DIS3: variants seen among roughly 807,000 people sequenced by gnomAD.
The protein encoded by DIS3 is exosome complex exonuclease RRP44.
A neutral mutation model predicts 113.0 loss-of-function variants in DIS3; 103 were observed. That is an observed-to-expected ratio of 0.91 (90% CI 0.78 to 1.07). DIS3 has a LOEUF of 1.07. Ranked by LOEUF, DIS3 falls within the 50% of genes least tolerant of loss-of-function variation. The pLI, the probability that DIS3 is intolerant of heterozygous loss-of-function variation, is 0.00. For missense variants in DIS3, 1,121 were observed against 1,167.1 expected (o/e 0.96, Z 0.58); for synonymous variants, 402 against 394.3 (o/e 1.02, Z -0.23).
chr13:72,754,039 T>C lies in DIS3; in HGVS notation c.*5756A>G, dbSNP rs527588785. On this transcript the variant is annotated 3_prime_UTR_variant, in exon 21 of 21. Coordinates refer to ENST00000377767, the MANE Select transcript of DIS3 (RefSeq NM_014953.5). The stretch of plus-strand genomic sequence containing the variant: ...AAAGTGTGCAAAGGTAGCGTGTATT[T>C]GATGAGGGCATTTACTGAACCTTCC... 44 of 443,784 alleles carry C rather than the reference T, an allele frequency of 9.9e-5. 1 individual carries two copies. In the South Asian group the frequency reaches 1.6e-3, roughly 16 times the overall value. 27.5% of individuals were successfully genotyped at this position (443,784 alleles called of 1,614,324 possible).
At position 72,758,017 on chromosome 13, in the gene DIS3, GACTCACCCAGA is replaced by G. The variant is rs1221499628; in HGVS notation, c.*1767_*1777del. 1 of 195,000 alleles carries G rather than the reference GACTCACCCAGA, an allele frequency of 5.1e-6. No homozygotes were observed. The highest frequency in any genetic ancestry group is 2.3e-5 in the African/African-American group (1 of 43,110). The allele number at this position is 195,000 out of a possible 1,614,324, so 12.1% of individuals were successfully genotyped here. ...CCTTCACATTCACTAACCACTTACTGACTCACCCAGAGCCAGCTTCCAGTCCTGCCAACTTG... is the reference window on the plus strand; with the variant it reads ...CCTTCACATTCACTAACCACTTACTGGCCAGCTTCCAGTCCTGCCAACTTG... On this transcript the variant is annotated 3_prime_UTR_variant, in exon 21 of 21. Coordinates refer to ENST00000377767, the MANE Select transcript of DIS3 (RefSeq NM_014953.5).
At chr13:72,770,563 T>C (rs1441471881) in intron 13 of DIS3, among the ~76,000 whole-genome samples, 3 of 152,182 alleles carry the variant, frequency 2.0e-5, no homozygotes, top group Non-Finnish European at 2.9e-5. Flanking sequence ...AATAAGACTC[T>C]GGTGGCCTGT....
intron 19 of DIS3, among the ~76,000 whole-genome samples, chr13:72,760,924 T>C (rs2033607530): frequency 6.6e-6 from 1 of 152,130 alleles, no homozygotes; most frequent in African/African-American, 2.4e-5. Flanking sequence ...ATAGGAAATT[T>C]TTAGTCTAGT....
rs1202614048 is a variant in DIS3, at chr13:72,763,549, T to C, written c.2029A>G (p.Lys677Glu). Residue 677 changes from lysine to glutamate, a missense_variant, in exon 16 of 21, where the codon AAA becomes GAA. Physicochemically the swap from Lys to Glu is moderately conservative, Grantham distance 56. Around this residue, in one of 3 missense-constraint regions of DIS3, gnomAD observed 861 missense variants for 915.5 expected, o/e 0.94. Transcript: ENST00000377767. ...TGTTCAGAAAATTCCTCATGAATTT[T>C]TTTTGCAACAGAAATATTGGCAAGT... ...MLLANISVAK[K>E]IHEEFSEHAL... 1 of 1,613,876 alleles carries C rather than the reference T, an allele frequency of 6.2e-7. No homozygotes were observed. The highest frequency in any genetic ancestry group is 8.5e-7 in the Non-Finnish European group (1 of 1,179,970).
chr13:72,773,672 C>A lies in DIS3; in HGVS notation c.1239+12G>T, dbSNP rs753389154. On this transcript the variant is annotated intron_variant, in intron 8 of 20. Coordinates refer to ENST00000377767, the MANE Select transcript of DIS3 (RefSeq NM_014953.5). ...TAAACATCCCCACATAAAATTAATA[C>A]TTTAAGCTTACATTTGGATATCTGG... is the stretch of plus-strand genomic sequence containing the variant. 6.2e-7 allele frequency: 1 copy of A among 1,603,630 alleles called. No individual in the cohort carries two copies. The highest frequency in any genetic ancestry group is 1.7e-5 in the Admixed American group (1 of 57,188).
intron 17 of DIS3, 29 bp downstream of exon 17, chr13:72,761,894 T>C: frequency 1.2e-6 from 2 of 1,612,604 alleles, no homozygotes; most frequent in Non-Finnish European, 1.7e-6. Flanking sequence ...CCATTTTCTA[T>C]CTCCTTTAAT....
At chr13:72,772,073 T>A in intron 10 of DIS3, 86 bp downstream of exon 10, 1 of 1,313,020 alleles carries the variant, frequency 7.6e-7, no homozygotes, top group Non-Finnish European at 1.1e-6. Context: ...CAAGAGTAAT[T>A]AACAAGCAAA....
At chr13:72,763,119 G>GA (rs1231213278) in intron 16 of DIS3, among the ~76,000 whole-genome samples, 1 of 152,016 alleles carries the variant, frequency 6.6e-6, no homozygotes, top group African/African-American at 2.4e-5. Context: ...GCAACATAGT[G>GA]AAAATCTACC....
Position 72,773,818 on chromosome 13 carries a change from T to G in DIS3, c.1105A>C (p.Arg369=). ...MLSKSDIKES[R]RHLFTPADKR... ...TCAGCAGGTGTAAAGAGATGTCTTC[T>G]TGACTAGCAAAAATTAGGAATAAAG... Residue 369 remains arginine (R), a synonymous_variant, in exon 8 of 21, where the codon AGA becomes CGA. Transcript: ENST00000377767. 1 of 1,604,382 alleles carries G rather than the reference T, an allele frequency of 6.2e-7. No individual in the cohort carries two copies. Among genetic ancestry groups the G allele is most frequent in the Non-Finnish European group, 8.5e-7 (1 of 1,177,784 alleles).
chr13:72,770,834 A>AC (rs2033868251), intron 13 of DIS3, 70 bp downstream of exon 13: 5 of 1,110,208 alleles, frequency 4.5e-6, no homozygotes, highest in Non-Finnish European at 6.3e-6. Context: ...TCTTTAAAAA[A>AC]TTTATTTAGC....
rs1293595152 is a variant in DIS3, at chr13:72,752,355, C to T, written c.*7440G>A. 6.6e-6 allele frequency: 1 copy of T among 152,186 alleles called. No individual in the cohort carries two copies. Among genetic ancestry groups the T allele is most frequent in the East Asian group, 1.9e-4 (1 of 5,200 alleles). The allele number at this position is 152,186 out of a possible 1,614,324, so 9.4% of individuals were successfully genotyped here. On this transcript the variant is annotated 3_prime_UTR_variant, in exon 21 of 21. Transcript: ENST00000377767. Reference sequence around the variant, plus strand: ...TGTTGCCTGGTTGGTACATATTAGGCATTGACATTAGCAGAAGTCTAGATG... The same window carrying T: ...TGTTGCCTGGTTGGTACATATTAGGTATTGACATTAGCAGAAGTCTAGATG...
Position 72,757,803 on chromosome 13 carries a change from T to C in DIS3, c.*1992A>G, listed in dbSNP as rs911037391. 1.4e-5 allele frequency: 3 copies of C among 207,720 alleles called. No homozygotes were observed. The highest frequency in any genetic ancestry group is 4.6e-5 in the African/African-American group (2 of 43,830). 12.9% of individuals were successfully genotyped at this position (207,720 alleles called of 1,614,324 possible). Reference sequence around the variant, plus strand: ...GTTTTGTGACACATCAAAATTATAATGATGTGCTGCATAACTTTTGGTCAA... The same window carrying C: ...GTTTTGTGACACATCAAAATTATAACGATGTGCTGCATAACTTTTGGTCAA... On this transcript the variant is annotated 3_prime_UTR_variant, in exon 21 of 21. Coordinates refer to ENST00000377767, the MANE Select transcript of DIS3 (RefSeq NM_014953.5).
intron 4 of DIS3, 36 bp downstream of exon 4, chr13:72,777,384 A>G (rs2034040611): frequency 1.3e-6 from 2 of 1,599,426 alleles, no homozygotes; most frequent in African/African-American, 2.7e-5. Flanking sequence ...GGCTATTTTA[A>G]TATTTTTACT....
Position 72,753,917 on chromosome 13 carries a change from GA to G in DIS3, c.*5877del. 1.6e-6 allele frequency: 2 copies of G among 1,241,382 alleles called. No homozygotes were observed. Among genetic ancestry groups the G allele is most frequent in the Non-Finnish European group, 2.2e-6 (2 of 906,202 alleles). 76.9% of individuals were successfully genotyped at this position (1,241,382 alleles called of 1,614,324 possible). A position where few individuals can be genotyped will look rare whatever the true frequency, so the allele number is the denominator to read the frequency against. ...CAATAGTACTATTGAGAAACTATAT[GA>G]AATTTAAAACACTAAAAGGTAAGCC... On this transcript the variant is annotated 3_prime_UTR_variant, in exon 21 of 21. Transcript: ENST00000377767.
At chr13:72,775,415 T>C in intron 5 of DIS3, 40 bp from the exon 6 acceptor site, 1 of 1,548,624 alleles carries the variant, frequency 6.5e-7, no homozygotes, top group Non-Finnish European at 8.7e-7. Context: ...AAATTATTTT[T>C]AATGGCAATA....
chr13:72,775,076 G>A, intron 6 of DIS3, 135 bp downstream of exon 6: 1 of 954,518 alleles, frequency 1.0e-6, no homozygotes, highest in East Asian at 2.8e-5. Context: ...AAAACCATGT[G>A]TATGACATGC....
rs1417974911 is a variant in DIS3 at position 72,758,089 on chromosome 13, A to G, written c.*1706T>C. 5 of 182,916 alleles carry G rather than the reference A, an allele frequency of 2.7e-5. No individual in the cohort carries two copies. Among genetic ancestry groups the G allele is most frequent in the Non-Finnish European group, 5.8e-5 (5 of 86,054 alleles). The allele number at this position is 182,916 out of a possible 1,614,324, so 11.3% of individuals were successfully genotyped here. ...ATGTCCTAAATAGGTGTACCATTTT[A>G]TATCTTATATATATCTATATATATA... On this transcript the variant is annotated 3_prime_UTR_variant, in exon 21 of 21. Transcript: ENST00000377767.
At chr13:72,760,762 A>G (rs1266577257) in intron 19 of DIS3, 111 bp from the exon 20 acceptor site, 1 of 1,307,894 alleles carries the variant, frequency 7.6e-7, no homozygotes, top group Non-Finnish European at 1.0e-6. Context: ...AAAATTAGTA[A>G]GCATCTACGT....
At position 72,761,690 on chromosome 13, in the gene DIS3, T is replaced by C; in HGVS notation, c.2467A>G (p.Met823Val). The stretch of plus-strand genomic sequence containing the variant: ...GATGCACGTTGGGCATATTGAGCCA[T>C]TTTGTGCCGGAAATTTAGATTTTTA... ...ICKNLNFRHK[M>V]AQYAQRASVA... Residue 823 changes from methionine to valine, a missense_variant, in exon 18 of 21, where the codon ATG (methionine) becomes GTG (valine). Around this residue, in one of 3 missense-constraint regions of DIS3, gnomAD observed 861 missense variants for 915.5 expected, o/e 0.94. Coordinates refer to ENST00000377767, the MANE Select transcript of DIS3 (RefSeq NM_014953.5). 4 of 1,613,348 alleles carry C rather than the reference T, an allele frequency of 2.5e-6. No individual in the cohort carries two copies. The highest frequency in any genetic ancestry group is 3.4e-6 in the Non-Finnish European group (4 of 1,179,850).
Sources: gnomAD v4.1 joint callset for allele counts (sites outside exome capture counted in the v4.1 genomes callset) on GRCh38, gnomAD v4.1.1 for gene constraint, gnomAD v4.1.1 regional missense constraint, MANE v1.5 for transcripts, NCBI Gene and HGNC (gene_info 2026-07-23, HGNC 2026-07-21) for gene names.